Variants in AIM2 observed in about 807,000 individuals in gnomAD.
AIM2 encodes interferon-inducible protein AIM2.
A neutral mutation model predicts 27.7 loss-of-function variants in AIM2; 30 were observed. That is an observed-to-expected ratio of 1.08 (90% confidence interval 0.81 to 1.47). The LOEUF is 1.47. Among genes scored for constraint, AIM2 ranks in the 40% most tolerant of loss-of-function variants. AIM2 has a pLI of 0.00. For missense variants in AIM2, 358 were observed against 411.3 expected, an observed-to-expected ratio of 0.87 and a Z score of 1.12; for synonymous variants, 141 against 145.3, an observed-to-expected ratio of 0.97 and a Z score of 0.21.
intron 1 of AIM2, among the ~76,000 whole-genome samples, chr1:159,090,509 G>A (rs538906412): frequency 2.6e-5 from 4 of 152,234 alleles, no homozygotes; most frequent in East Asian, 3.9e-4. Context: ...TTGTCATCAC[G>A]CCACTAAAAT....
chr1:159,099,772 C>T (rs1657272770), intron 1 of AIM2, among the ~76,000 whole-genome samples: 1 of 152,178 alleles, frequency 6.6e-6, no homozygotes, highest in Non-Finnish European at 1.5e-5. Context: ...TCAGGCCTAA[C>T]CTTGCCTGTA....
Position 159,075,615 on chromosome 1 carries a change from G to T in AIM2, c.-21+1018C>A, listed in dbSNP as rs200118288. 7.9e-3 allele frequency among the ~76,000 whole-genome samples: 1,160 copies of T among 147,698 alleles called. 20 individuals carry two copies. Among genetic ancestry groups the T allele is most frequent in the East Asian group, 0.065 (325 of 5,000 alleles). ...TACCTGCTATATATATATATATAGA[G>T]AGAGAGAGAGAGAGAGAGAGCTAAT... On this transcript the variant is annotated intron_variant, in intron 1 of 5. Coordinates refer to ENST00000368130, the MANE Select transcript of AIM2 (RefSeq NM_004833.3).
intron 3 of AIM2, 81 bp from the exon 4 acceptor site, chr1:159,066,410 A>G (rs1656099008): frequency 7.0e-6 from 10 of 1,433,060 alleles, no homozygotes; most frequent in Admixed American, 2.3e-5. Flanking sequence ...ACAGTGCTAA[A>G]CCTCAGAAAG....
At chr1:159,081,639 A>G (rs143211792), upstream of AIM2, 650 of 308,562 alleles carry the variant, frequency 2.1e-3, 1 homozygote, top group African/African-American at 0.012. Context: ...TAACCTTGGT[A>G]ACACATTCAA....
At chr1:159,105,717 C>T (rs770227809) in intron 1 of AIM2, among the ~76,000 whole-genome samples, 3 of 152,158 alleles carry the variant, frequency 2.0e-5, no homozygotes, top group Non-Finnish European at 4.4e-5. Flanking sequence ...TGGGTAGCTC[C>T]TTCCGCAGCT....
chr1:159,125,928 C>G (rs1427162473), intron 1 of AIM2, among the ~76,000 whole-genome samples: 1 of 152,166 alleles, frequency 6.6e-6, no homozygotes, highest in Admixed American at 6.5e-5. Context: ...CTCACAGTCA[C>G]TCCTACTGTG....
chr1:159,133,112 G>C lies in AIM2; in HGVS notation c.-16+7319C>G, dbSNP rs149866291. Among the ~76,000 whole-genome samples, 101 of 152,126 alleles carry C rather than the reference G, an allele frequency of 6.6e-4. 1 individual carries two copies. In the South Asian group the frequency reaches 0.015, roughly 22 times the overall value. ...CTACCCACTGCTAATGCCTTCTCTG[G>C]CACTCTGATCCCCTATCACATTCCC... On this transcript the variant is annotated intron_variant, in intron 1 of 2. Coordinates refer to the AIM2 transcript ENST00000368129.
chr1:159,146,803 C>T (rs568852692), intron 1 of AIM2, among the ~76,000 whole-genome samples: 1 of 152,266 alleles, frequency 6.6e-6, no homozygotes. Flanking sequence ...TTAAAATCTA[C>T]TGCTTGGACT....
At chr1:159,062,799 T>C (rs2101959094) in intron 5 of AIM2, 81 bp from the exon 6 acceptor site, 13 of 1,252,714 alleles carry the variant, frequency 1.0e-5, no homozygotes, top group Non-Finnish European at 1.5e-5. Context: ...TATGGCCTTC[T>C]GAAGTGTATG....
chr1:159,142,721 GC>G (rs1286027376), upstream of AIM2, among the ~76,000 whole-genome samples: 2 of 152,088 alleles, frequency 1.3e-5, no homozygotes, highest in Non-Finnish European at 2.9e-5. Context: ...ATTTTTAGAA[GC>G]CTCTCATAGA....
At chr1:159,090,920 C>T (rs542767179) in intron 1 of AIM2, among the ~76,000 whole-genome samples, 1 of 152,336 alleles carries the variant, frequency 6.6e-6, no homozygotes, top group Admixed American at 6.5e-5. Context: ...AAAGATTCCA[C>T]CTCAAATGGC....
chr1:159,132,602 T>C (rs1016180110), intron 1 of AIM2, among the ~76,000 whole-genome samples: 1 of 152,166 alleles, frequency 6.6e-6, no homozygotes, highest in African/African-American at 2.4e-5. Context: ...GATTGTGGAA[T>C]CCATATACCC....
chr1:159,063,590 T>G lies in AIM2; in HGVS notation c.901A>C (p.Thr301Pro). 1 of 1,614,220 alleles carries G rather than the reference T, an allele frequency of 6.2e-7. No individual in the cohort carries two copies. The highest frequency in any genetic ancestry group is 8.5e-7 in the Non-Finnish European group (1 of 1,180,018). Residue 301 changes from threonine (T) to proline (P), a missense_variant, in exon 5 of 6, where the codon ACA becomes CCA. Physicochemically the swap from Thr to Pro is conservative, Grantham distance 38. Transcript: ENST00000368130. ...MEVLGVRNED[T>P]MKCKEGDKVR... is the part of the protein sequence containing the mutation. The stretch of plus-strand genomic sequence containing the variant: ...TTATCTCCTTCCTTACATTTCATTG[T>G]GTCCTCGTTTCTAACCCCCAGTACT...
chr1:159,066,450 G>A lies in AIM2; in HGVS notation c.397-121C>T, dbSNP rs1570938561. On this transcript the variant is annotated intron_variant, in intron 3 of 5. Coordinates refer to ENST00000368130, the MANE Select transcript of AIM2 (RefSeq NM_004833.3). The stretch of plus-strand genomic sequence containing the variant: ...CAGAAGATAGGTGGAATCAAGGGAA[G>A]AGATACAGAGGGGATACGAAGAGAG... 3.0e-6 allele frequency: 3 copies of A among 991,374 alleles called. No individual in the cohort carries two copies. In the East Asian group the frequency reaches 7.4e-5, roughly 25 times the overall value. The allele number at this position is 991,374 out of a possible 1,614,324, so 61.4% of individuals were successfully genotyped here.
At chr1:159,093,317 G>C (rs908852521) in intron 1 of AIM2, among the ~76,000 whole-genome samples, 4 of 152,178 alleles carry the variant, frequency 2.6e-5, no homozygotes, top group Non-Finnish European at 5.9e-5. Flanking sequence ...CTGAGGGTCA[G>C]TGCAGTGACG....
intron 1 of AIM2, among the ~76,000 whole-genome samples, chr1:159,115,817 C>A (rs186341004): frequency 3.0e-4 from 46 of 152,172 alleles, no homozygotes; most frequent in African/African-American, 9.2e-4. Flanking sequence ...GCAACAAAAG[C>A]CAAAATTGAC....
intron 4 of AIM2, among the ~76,000 whole-genome samples, 194 bp from the exon 5 acceptor site, chr1:159,063,868 C>T (rs939778620): frequency 6.6e-6 from 1 of 152,174 alleles, no homozygotes; most frequent in Non-Finnish European, 1.5e-5. Context: ...GCAAGACCAA[C>T]CCTCCTCTTC....
intron 1 of AIM2, among the ~76,000 whole-genome samples, chr1:159,102,522 A>G (rs1487610858): frequency 6.6e-6 from 1 of 152,214 alleles, no homozygotes; most frequent in Non-Finnish European, 1.5e-5. Context: ...ATGTGCCTGG[A>G]AAAGCAGCAG....
chr1:159,096,770 G>A (rs1003442279), intron 1 of AIM2, among the ~76,000 whole-genome samples: 1 of 152,110 alleles, frequency 6.6e-6, no homozygotes, highest in South Asian at 2.1e-4. Flanking sequence ...CAGCAGGCTG[G>A]AGAGCACAGG....
Sources: allele counts gnomAD v4.1 joint callset (sites outside exome capture counted in the v4.1 genomes callset), GRCh38; gene constraint gnomAD v4.1.1; transcripts MANE v1.5; gene names NCBI Gene and HGNC (gene_info 2026-07-23, HGNC 2026-07-21).